PSMA8: variants seen among roughly 807,000 people sequenced by gnomAD.
The protein encoded by PSMA8 is proteasome 20S subunit alpha 8, also known as proteasome subunit alpha-type 8.
In PSMA8, 18 loss-of-function variants were observed where a neutral mutation model predicts 32.4. The ratio of observed to expected loss-of-function variants is 0.56; its 90% CI spans 0.38 to 0.82. PSMA8 has a LOEUF of 0.82. PSMA8 is among the 40% of genes least tolerant of loss of function. The pLI is 0.00. For missense variants in PSMA8, 298 were observed against 300.7 expected (o/e 0.99, Z 0.07); for synonymous variants, 104 against 98.1 (o/e 1.06, Z -0.36).
In PSMA8 at chr18:26,156,039, C is replaced by A. The variant is rs117673350; in HGVS notation, c.355-2083C>A. Among the ~76,000 whole-genome samples, 1,116 of 152,196 alleles carry A rather than the reference C, an allele frequency of 7.3e-3. 7 individuals carry two copies. The highest frequency in any genetic ancestry group is 0.027 in the Middle Eastern group (8 of 294). On this transcript the variant is annotated intron_variant, in intron 3 of 6. Coordinates refer to ENST00000415576, the MANE Select transcript of PSMA8 (RefSeq NM_001025096.2). ...CAAAAGAAGAAATACAAATGGCCAA[C>A]ATGTATATGAAAACATGTTCAACAT...
chr18:26,143,980 C>T (rs1373833006), intron 1 of PSMA8, among the ~76,000 whole-genome samples: 2 of 152,180 alleles, frequency 1.3e-5, no homozygotes, highest in Non-Finnish European at 2.9e-5. Context: ...CCTCAGCCTC[C>T]CAAAGTGCTA....
chr18:26,139,979 T>C, intron 1 of PSMA8: 1 of 694,820 alleles, frequency 1.4e-6, no homozygotes, highest in African/African-American at 1.8e-5. Flanking sequence ...TTTAAAAGAT[T>C]GTTACTTTTT....
chr18:26,172,291 T>C (rs2055228478), intron 4 of PSMA8, among the ~76,000 whole-genome samples: 2 of 152,246 alleles, frequency 1.3e-5, no homozygotes, highest in Admixed American at 1.3e-4. Context: ...AAACTTCTTA[T>C]AGGGCCAGAT....
At position 26,133,950 on chromosome 18, in the gene PSMA8, CT is replaced by C. The variant is rs950607469; in HGVS notation, c.-14del. ...GCAGCGGGAAGCTCGGTGGCAAGCC[CT>C]TGTAGTCCTGTGCGATGGCGTCTCG... On this transcript the variant is annotated 5_prime_UTR_variant, in exon 1 of 7. Transcript: ENST00000415576. The C allele has an allele frequency of 5.6e-6, 9 of 1,606,944 alleles. No individual in the cohort carries two copies. The highest frequency in any genetic ancestry group is 2.2e-5 in the East Asian group (1 of 44,810).
intron 2 of PSMA8, among the ~76,000 whole-genome samples, chr18:26,149,338 C>T (rs1409401520): frequency 6.6e-6 from 1 of 152,184 alleles, no homozygotes; most frequent in Non-Finnish European, 1.5e-5. Flanking sequence ...ATCCCGCATT[C>T]ATGGATTGGA....
chr18:26,184,013 G>A (rs1394817907), intron 6 of PSMA8, among the ~76,000 whole-genome samples: 1 of 150,728 alleles, frequency 6.6e-6, no homozygotes, highest in Non-Finnish European at 1.5e-5. Context: ...GCAATAAAGT[G>A]TTTTCAAATT....
chr18:26,169,739 G>A (rs2055206831), intron 4 of PSMA8, among the ~76,000 whole-genome samples: 1 of 128,962 alleles, frequency 7.8e-6, no homozygotes, highest in Non-Finnish European at 1.5e-5. Flanking sequence ...CAGCTACTTG[G>A]GAGCCTGAGG....
chr18:26,177,520 T>G (rs2055273558), intron 4 of PSMA8, among the ~76,000 whole-genome samples: 1 of 152,208 alleles, frequency 6.6e-6, no homozygotes, highest in South Asian at 2.1e-4. Context: ...CACATAAGTG[T>G]TCTGTTAATA....
chr18:26,164,348 C>G (rs1037397456), intron 4 of PSMA8, among the ~76,000 whole-genome samples: 1 of 152,144 alleles, frequency 6.6e-6, no homozygotes, highest in African/African-American at 2.4e-5. Context: ...GTGCCAAAAC[C>G]ATCAAGTGAA....
chr18:26,140,360 A>G (rs1008832040), intron 1 of PSMA8, among the ~76,000 whole-genome samples: 1 of 152,146 alleles, frequency 6.6e-6, no homozygotes, highest in Non-Finnish European at 1.5e-5. Flanking sequence ...TCAGATACCC[A>G]CGTTACTCTC....
At chr18:26,156,710 T>G (rs2055092475) in intron 3 of PSMA8, among the ~76,000 whole-genome samples, 1 of 148,224 alleles carries the variant, frequency 6.7e-6, no homozygotes, top group Non-Finnish European at 1.5e-5. Context: ...ATAAAATATA[T>G]ATACAATATA....
intron 1 of PSMA8, 148 bp downstream of exon 1, chr18:26,134,215 G>A: frequency 1.6e-6 from 1 of 620,184 alleles, no homozygotes; most frequent in South Asian, 1.9e-5. Flanking sequence ...TTTATTTAGG[G>A]AGACAGACTT....
intron 6 of PSMA8, among the ~76,000 whole-genome samples, chr18:26,186,278 C>T (rs559665682): frequency 0.022 from 2,008 of 89,404 alleles, 59 homozygotes; most frequent in African/African-American, 0.072. Context: ...AAAAAAAAAA[C>T]GCAAAGTGAG....
intron 6 of PSMA8, among the ~76,000 whole-genome samples, chr18:26,190,897 G>A (rs985720028): frequency 6.6e-6 from 1 of 152,132 alleles, no homozygotes; most frequent in Admixed American, 6.5e-5. Context: ...CTCCTTAATA[G>A]CAGGTAAGAA....
chr18:26,182,847 T>C (rs1373668649), intron 6 of PSMA8, among the ~76,000 whole-genome samples: 1 of 152,114 alleles, frequency 6.6e-6, no homozygotes, highest in Non-Finnish European at 1.5e-5. Flanking sequence ...TCCCAGCACT[T>C]TGGGAGGCCG....
intron 6 of PSMA8, among the ~76,000 whole-genome samples, chr18:26,181,347 G>A (rs1454652771): frequency 6.6e-6 from 1 of 152,110 alleles, no homozygotes; most frequent in Non-Finnish European, 1.5e-5. Flanking sequence ...TGTTGCATGT[G>A]TTCTGACTGC....
At chr18:26,173,648 C>G (rs1314987250) in intron 4 of PSMA8, among the ~76,000 whole-genome samples, 3 of 151,996 alleles carry the variant, frequency 2.0e-5, no homozygotes, top group Non-Finnish European at 4.4e-5. Context: ...CCTCCACCCC[C>G]CAGGTTCAAG....
intron 2 of PSMA8, among the ~76,000 whole-genome samples, chr18:26,146,699 G>A (rs2055005977): frequency 6.6e-6 from 1 of 152,172 alleles, no homozygotes; most frequent in African/African-American, 2.4e-5. Context: ...GCAGGTTGAG[G>A]CTGCAGTGAG....
intron 1 of PSMA8, among the ~76,000 whole-genome samples, chr18:26,142,037 A>T (rs1367551057): frequency 4.8e-4 from 56 of 117,552 alleles, no homozygotes; most frequent in African/African-American, 1.6e-3. Context: ...AATAATGCTA[A>T]TTTTTTTTTT....
Sources: gnomAD v4.1 joint callset for allele counts (sites outside exome capture counted in the v4.1 genomes callset) on GRCh38, gnomAD v4.1.1 for gene constraint, MANE v1.5 for transcripts, NCBI Gene and HGNC (gene_info 2026-07-23, HGNC 2026-07-21) for gene names.